The following COL6A2 variants were observed in gnomAD, a reference collection of about 807,000 sequenced individuals.
COL6A2 encodes the protein collagen alpha-2(VI) chain.
COL6A2 carries 90 observed loss-of-function variants against 124.9 expected under a neutral mutation model. The ratio of observed to expected loss-of-function variants is 0.72; its 90% CI spans 0.61 to 0.86. The LOEUF is 0.86. COL6A2 is among the 40% of genes least tolerant of loss of function. The probability of loss-of-function intolerance (pLI) is 0.00; values close to 1 mark genes in which losing one functional copy is unlikely to be tolerated. For missense variants in COL6A2, 1,607 were observed against 1,502.5 expected (o/e 1.07, Z -1.15); for synonymous variants, 793 against 618.2 (o/e 1.28, Z -4.19).
In COL6A2 at chr21:46,122,502, A is replaced by G. The variant is rs2078582351; in HGVS notation, c.1579A>G (p.Lys527Glu). The change falls in exon 20 of 28, where the codon AAA becomes GAA. Residue 527 changes from lysine to glutamate, a missense_variant. Around this residue, in one of 3 missense-constraint regions of COL6A2, gnomAD observed 1,223 missense variants for 1,052.2 expected, o/e 1.16. Coordinates refer to ENST00000300527, the MANE Select transcript of COL6A2 (RefSeq NM_001849.4). ...YPGPRGAPGE[K>E]GEPGPRGPEG... Reference sequence around the variant, plus strand: ...GCTTCTGTTTGCTTCACAGGGAGAAAAAGGCGAGCCCGGCCCACGCGGCCC... The same window carrying G: ...GCTTCTGTTTGCTTCACAGGGAGAAGAAGGCGAGCCCGGCCCACGCGGCCC... 1.9e-6 allele frequency: 3 copies of G among 1,612,556 alleles called. No individual in the cohort carries two copies. Among genetic ancestry groups the G allele is most frequent in the African/African-American group, 1.3e-5 (1 of 74,820 alleles).
chr21:46,125,126 G>A (rs1487368161), intron 23 of COL6A2, 140 bp from the exon 24 acceptor site: 2 of 1,043,490 alleles, frequency 1.9e-6, no homozygotes, highest in South Asian at 2.7e-5. Flanking sequence ...GAGGTTGGTA[G>A]GGACAGGACC....
intron 27 of COL6A2, among the ~76,000 whole-genome samples, chr21:46,127,058 G>A (rs912739570): frequency 7.2e-5 from 11 of 152,328 alleles, no homozygotes; most frequent in African/African-American, 1.9e-4. Context: ...TGTGGCCCAC[G>A]TGGGTGTGAA....
intron 18 of COL6A2, 38 bp downstream of exon 18, chr21:46,121,656 C>T (rs372395988): frequency 3.7e-5 from 60 of 1,604,432 alleles, no homozygotes; most frequent in African/African-American, 3.6e-4. Context: ...ATTAGGGGTT[C>T]GGGGCAGCTG....
intron 14 of COL6A2, 79 bp downstream of exon 14, chr21:46,119,198 G>T: frequency 9.0e-7 from 1 of 1,113,730 alleles, no homozygotes; most frequent in Non-Finnish European, 1.3e-6. Context: ...TGGGGGAAGG[G>T]CACCTGGGCT....
At chr21:46,117,626 T>TC in intron 11 of COL6A2, 173 bp downstream of exon 11, 2 of 781,704 alleles carry the variant, frequency 2.6e-6, no homozygotes. Flanking sequence ...TGTGAGGAAC[T>TC]CCCCCTGGGA....
At chr21:46,125,200 G>T in intron 23 of COL6A2, 66 bp from the exon 24 acceptor site, 1 of 1,483,646 alleles carries the variant, frequency 6.7e-7, no homozygotes, top group Non-Finnish European at 9.4e-7. Context: ...CCCCAGGCCA[G>T]GACCTTGCTG....
At chr21:46,118,373 C>CCCAAGT (rs755723792) in intron 12 of COL6A2, among the ~76,000 whole-genome samples, 70 of 152,202 alleles carry the variant, frequency 4.6e-4, no homozygotes, top group Non-Finnish European at 9.4e-4. Flanking sequence ...TCAGCCCAAG[C>CCCAAGT]CCAAGTCTGG....
chr21:46,099,889 CTTT>C (rs869028897), intron 1 of COL6A2, among the ~76,000 whole-genome samples: 7,783 of 91,522 alleles, frequency 0.085, 286 homozygotes, highest in Non-Finnish European at 0.12. Context: ...GCAGCACTGT[CTTT>C]TTTTTTTTTT....
chr21:46,099,023 C>T (rs1353860148), intron 1 of COL6A2: 1 of 152,394 alleles, frequency 6.6e-6, no homozygotes, highest in Non-Finnish European at 1.5e-5. Flanking sequence ...GCCTAGGACG[C>T]CCCTGGAGAA....
intron 27 of COL6A2, among the ~76,000 whole-genome samples, chr21:46,127,134 A>C (rs897091630): frequency 5.9e-5 from 9 of 151,692 alleles, no homozygotes; most frequent in Non-Finnish European, 1.0e-4. Flanking sequence ...GCACTGCTGC[A>C]CCGTACCTGG....
chr21:46,115,105 T>G (rs1029929790), intron 5 of COL6A2, among the ~76,000 whole-genome samples: 1 of 152,228 alleles, frequency 6.6e-6, no homozygotes, highest in Non-Finnish European at 1.5e-5. Context: ...GGGAATGAAT[T>G]TGCCACTTGG....
chr21:46,117,514 G>C, intron 11 of COL6A2, 61 bp downstream of exon 11: 2 of 1,545,620 alleles, frequency 1.3e-6, no homozygotes, highest in Non-Finnish European at 1.8e-6. Context: ...GCCTGACCGG[G>C]TGGGAGGGTA....
At chr21:46,118,392 T>A (rs573333465) in intron 12 of COL6A2, among the ~76,000 whole-genome samples, 1 of 152,314 alleles carries the variant, frequency 6.6e-6, no homozygotes, top group East Asian at 1.9e-4. Flanking sequence ...GGCTGAGTCC[T>A]CTGAGCAGAT....
chr21:46,132,809 C>T lies in COL6A2; in HGVS notation c.*257C>T, dbSNP rs188390857. The T allele has an allele frequency of 1.7e-6, 1 of 572,150 alleles. No individual in the cohort carries two copies. Among genetic ancestry groups the T allele is most frequent in the African/African-American group, 1.9e-5 (1 of 53,054 alleles). 35.4% of individuals were successfully genotyped at this position (572,150 alleles called of 1,614,324 possible). On this transcript the variant is annotated 3_prime_UTR_variant, in exon 28 of 28. Transcript: ENST00000300527. ...GCTCCTGACCTACCTGGCCCCTGAG[C>T]TCTGGAGCAAGCCCTGACCCAATAA...
At position 46,125,838 on chromosome 21, in the gene COL6A2, C is replaced by G; in HGVS notation, c.2023C>G (p.Gln675Glu). 6.2e-7 allele frequency: 1 copy of G among 1,612,904 alleles called. No homozygotes were observed. The highest frequency in any genetic ancestry group is 1.3e-5 in the African/African-American group (1 of 74,986). ...YSHEGTFEAI[Q>E]LDDERIDSLS... ...CCACGAGGGCACCTTTGAGGCCATC[C>G]AGCTGGACGACGAACGTATCGACTC... is the stretch of plus-strand genomic sequence containing the variant. Residue 675 changes from glutamine to glutamate, a missense_variant, in exon 26 of 28, where the codon CAG becomes GAG. By Grantham distance (29) the Gln-to-Glu change is conservative. Coordinates refer to ENST00000300527, the MANE Select transcript of COL6A2 (RefSeq NM_001849.4).
intron 5 of COL6A2, among the ~76,000 whole-genome samples, chr21:46,114,666 T>C (rs2078447948): frequency 6.6e-6 from 1 of 152,220 alleles, no homozygotes; most frequent in Non-Finnish European, 1.5e-5. Flanking sequence ...TGCTCATTAA[T>C]ATGAAGGAAC....
At chr21:46,113,428 G>A (rs2078431336) in intron 4 of COL6A2, among the ~76,000 whole-genome samples, 1 of 151,822 alleles carries the variant, frequency 6.6e-6, no homozygotes, top group Non-Finnish European at 1.5e-5. Context: ...CTAGGCTGGA[G>A]TGCAGTGGTA....
chr21:46,126,234 CCGGGTGAG>C lies in COL6A2; in HGVS notation c.2422_2422+7del. ...CGATGACATGGAGGACGTCCTCTGC[CCGGGTGAG>C]CGTGTGGGCGCGGGGCAGTCGGCCG... On this transcript the variant is annotated splice_donor_variant and splice_donor_5th_base_variant and coding_sequence_variant and intron_variant, in exon 26 of 28. Coordinates refer to ENST00000300527, the MANE Select transcript of COL6A2 (RefSeq NM_001849.4). LOFTEE classifies it high-confidence loss of function. 6.3e-7 allele frequency: 1 copy of C among 1,598,258 alleles called. No individual in the cohort carries two copies. The highest frequency in any genetic ancestry group is 8.5e-7 in the Non-Finnish European group (1 of 1,178,466).
At chr21:46,127,913 C>G (rs868497262) in intron 27 of COL6A2, among the ~76,000 whole-genome samples, 2 of 152,206 alleles carry the variant, frequency 1.3e-5, no homozygotes, top group Non-Finnish European at 2.9e-5. Flanking sequence ...CAGTGTTGAG[C>G]CAGCCCTGCG....
Sources: gnomAD v4.1 joint callset for allele counts (sites outside exome capture counted in the v4.1 genomes callset) on GRCh38, gnomAD v4.1.1 for gene constraint, gnomAD v4.1.1 regional missense constraint, MANE v1.5 for transcripts, NCBI Gene and HGNC (gene_info 2026-07-23, HGNC 2026-07-21) for gene names.